ACVR1C: variants seen among roughly 807,000 people sequenced by gnomAD.
ACVR1C encodes activin receptor type-1C.
Under a neutral mutation model 57.9 loss-of-function variants are expected in ACVR1C, and 23 were observed. The observed-to-expected ratio is 0.40, with a 90% CI of 0.29 to 0.56. The LOEUF (loss-of-function observed/expected upper bound fraction) is 0.56, where lower values mean the gene tolerates loss of function less well. ACVR1C is among the 20% of genes least tolerant of loss of function. The probability of loss-of-function intolerance (pLI) is 0.50; values close to 1 mark genes in which losing one functional copy is unlikely to be tolerated. For missense variants in ACVR1C, 480 were observed against 607.9 expected (o/e 0.79, Z 2.21); for synonymous variants, 214 against 215.3 (o/e 0.99, Z 0.05).
At chr2:157,582,752 G>A (rs958599208) in intron 2 of ACVR1C, among the ~76,000 whole-genome samples, 6 of 152,104 alleles carry the variant, frequency 3.9e-5, no homozygotes, top group African/African-American at 1.2e-4. Flanking sequence ...GTAAAATTCT[G>A]TATCTTCTAT....
intron 3 of ACVR1C, among the ~76,000 whole-genome samples, 169 bp from the exon 4 acceptor site, chr2:157,550,561 T>C (rs776436559): frequency 2.6e-5 from 4 of 152,180 alleles, no homozygotes; most frequent in Admixed American, 6.5e-5. Flanking sequence ...TGTCAAAGCA[T>C]GCTGAAAAAA....
rs60269781 is a variant in ACVR1C at position 157,555,101 on chromosome 2, C to CTTTTTTTTTTTTTTTTTTTTT, written c.544+971_544+991dup. On this transcript the variant is annotated intron_variant, in intron 3 of 8. Coordinates refer to ENST00000243349, the MANE Select transcript of ACVR1C (RefSeq NM_145259.3). ...ATAATACAGCCTGGTACTTTGAACGCTTTTTTTTTTTTTTTTTTTTTTTTT... is the reference window on the plus strand; with the variant it reads ...ATAATACAGCCTGGTACTTTGAACGCTTTTTTTTTTTTTTTTTTTTTTTTTTTTTTTTTTTTTTTTTTTTTT... 8.3e-5 allele frequency among the ~76,000 whole-genome samples: 7 copies of CTTTTTTTTTTTTTTTTTTTTT among 83,946 alleles called. 3 individuals carry two copies. Among genetic ancestry groups the CTTTTTTTTTTTTTTTTTTTTT allele is most frequent in the African/African-American group, 4.2e-4 (7 of 16,854 alleles). The allele number at this position is 83,946 out of a possible 152,430, so 55.1% of individuals were successfully genotyped here.
intron 2 of ACVR1C, among the ~76,000 whole-genome samples, chr2:157,572,301 G>A (rs1293532365): frequency 6.9e-6 from 1 of 144,708 alleles, no homozygotes; most frequent in East Asian, 2.0e-4. Flanking sequence ...CACCAGCATG[G>A]CACATGTATA....
chr2:157,566,080 T>G (rs1688364970), intron 2 of ACVR1C, among the ~76,000 whole-genome samples: 1 of 152,234 alleles, frequency 6.6e-6, no homozygotes, highest in Non-Finnish European at 1.5e-5. Flanking sequence ...GATAGTCTCT[T>G]AATCTCTGTT....
intron 2 of ACVR1C, among the ~76,000 whole-genome samples, chr2:157,562,018 TG>T (rs1180003462): frequency 7.4e-4 from 113 of 152,252 alleles, no homozygotes; most frequent in African/African-American, 2.7e-3. Flanking sequence ...TGGAGAAGGC[TG>T]GGTGCGGTGG....
intron 1 of ACVR1C, among the ~76,000 whole-genome samples, chr2:157,600,282 A>T (rs1488891870): frequency 6.6e-6 from 1 of 152,228 alleles, no homozygotes; most frequent in African/African-American, 2.4e-5. Context: ...CAAATGAGAA[A>T]AGAGCAGAGT....
At chr2:157,581,084 G>A (rs1331381883) in intron 2 of ACVR1C, among the ~76,000 whole-genome samples, 1 of 152,014 alleles carries the variant, frequency 6.6e-6, no homozygotes, top group Non-Finnish European at 1.5e-5. Flanking sequence ...AATGGTTTTG[G>A]GTTGGTAACA....
chr2:157,615,794 A>T (rs1573957544), intron 1 of ACVR1C, among the ~76,000 whole-genome samples: 1 of 152,336 alleles, frequency 6.6e-6, no homozygotes, highest in East Asian at 1.9e-4. Context: ...TTGTAAAAAA[A>T]TTAAAAATTA....
intron 2 of ACVR1C, among the ~76,000 whole-genome samples, chr2:157,564,993 A>C (rs1357490862): frequency 1.3e-5 from 2 of 152,140 alleles, no homozygotes; most frequent in Non-Finnish European, 2.9e-5. Context: ...GCATTAGGAC[A>C]AATAGCCAAT....
At chr2:157,560,536 T>G (rs924120297) in intron 2 of ACVR1C, among the ~76,000 whole-genome samples, 1 of 152,200 alleles carries the variant, frequency 6.6e-6, no homozygotes, top group Non-Finnish European at 1.5e-5. Context: ...CTTTCATAAT[T>G]AACTGTTCTT....
chr2:157,609,724 T>C (rs1030713291), intron 1 of ACVR1C, among the ~76,000 whole-genome samples: 7 of 152,044 alleles, frequency 4.6e-5, no homozygotes, highest in Non-Finnish European at 1.0e-4. Flanking sequence ...TTTGTCTTCT[T>C]TTTTACTGTT....
At chr2:157,604,023 G>A (rs1304873045) in intron 1 of ACVR1C, among the ~76,000 whole-genome samples, 1 of 151,894 alleles carries the variant, frequency 6.6e-6, no homozygotes, top group Non-Finnish European at 1.5e-5. Flanking sequence ...TTATTCTTTG[G>A]GACATTATGT....
Position 157,591,582 on chromosome 2 carries a change from C to T in ACVR1C, c.74-4165G>A, listed in dbSNP as rs757665688. 3.7e-4 allele frequency among the ~76,000 whole-genome samples: 56 copies of T among 151,944 alleles called. 1 individual carries two copies. The highest frequency in any genetic ancestry group is 3.4e-3 in the Admixed American group (52 of 15,240). ...TTCTTCACTTGCATATTTTAAGGGG[C>T]TAAAGGCAGGAAAAAGAGTAACTCT... On this transcript the variant is annotated intron_variant, in intron 1 of 8. Transcript: ENST00000243349.
intron 1 of ACVR1C, among the ~76,000 whole-genome samples, chr2:157,622,718 C>T (rs1479891604): frequency 6.6e-6 from 1 of 152,100 alleles, no homozygotes; most frequent in Non-Finnish European, 1.5e-5. Flanking sequence ...TGAGTAATAG[C>T]CCACCAGCAC....
intron 3 of ACVR1C, among the ~76,000 whole-genome samples, chr2:157,555,008 AT>A (rs199985949): frequency 6.6e-5 from 10 of 151,984 alleles, no homozygotes; most frequent in Non-Finnish European, 1.3e-4. Flanking sequence ...AGATAAAAAA[AT>A]AAAAAATAAA....
At chr2:157,584,297 G>T (rs951811068) in intron 2 of ACVR1C, among the ~76,000 whole-genome samples, 3 of 151,952 alleles carry the variant, frequency 2.0e-5, no homozygotes, top group African/African-American at 7.3e-5. Flanking sequence ...ATAGAAATGG[G>T]GTTTCACCAG....
chr2:157,577,971 C>T lies in ACVR1C; in HGVS notation c.304+9216G>A, dbSNP rs541771379. 8.5e-5 allele frequency among the ~76,000 whole-genome samples: 13 copies of T among 152,236 alleles called. No individual in the cohort carries two copies. In the South Asian group the frequency reaches 1.7e-3, roughly 19 times the overall value. On this transcript the variant is annotated intron_variant, in intron 2 of 8. Coordinates refer to ENST00000243349, the MANE Select transcript of ACVR1C (RefSeq NM_145259.3). ...AGGTTGGAGTGCAATGGTGTGAGCA[C>T]GGCTCACTGCATCCTTGACTTCCTG...
chr2:157,617,499 A>G (rs953184062), intron 1 of ACVR1C, among the ~76,000 whole-genome samples: 2 of 152,070 alleles, frequency 1.3e-5, no homozygotes, highest in Non-Finnish European at 2.9e-5. Context: ...GCATTGAGGA[A>G]TAACTGGGTA....
At chr2:157,581,529 T>C (rs1385249950) in intron 2 of ACVR1C, among the ~76,000 whole-genome samples, 2 of 151,970 alleles carry the variant, frequency 1.3e-5, no homozygotes, top group Non-Finnish European at 2.9e-5. Flanking sequence ...GAGAAAAATT[T>C]TGTCACACAC....
Sources: gnomAD v4.1 joint callset for allele counts (sites outside exome capture counted in the v4.1 genomes callset) on GRCh38, gnomAD v4.1.1 for gene constraint, MANE v1.5 for transcripts, NCBI Gene and HGNC (gene_info 2026-07-23, HGNC 2026-07-21) for gene names.